Variants in F13A1 observed in about 807,000 individuals in gnomAD.
The protein encoded by F13A1 is coagulation factor XIII A chain, also known as FSF, A subunit.
Under a neutral mutation model 80.1 loss-of-function variants are expected in F13A1, and 47 were observed. The observed-to-expected ratio is 0.59, with a 90% CI of 0.46 to 0.75. F13A1 has a LOEUF of 0.75. Among genes scored for constraint, F13A1 ranks in the 30% least tolerant of loss-of-function variants. The pLI is 0.00. For missense variants in F13A1, 817 were observed against 930.4 expected (o/e 0.88, Z 1.59); for synonymous variants, 349 against 344.9 (o/e 1.01, Z -0.13).
intron 8 of F13A1, among the ~76,000 whole-genome samples, chr6:6,210,559 A>C (rs555144969): frequency 1.4e-5 from 2 of 142,666 alleles, no homozygotes; most frequent in South Asian, 4.5e-4. Context: ...TGCCTGGCTA[A>C]TTTTTCTGTA....
At chr6:6,255,598 G>C (rs1006638762) in intron 4 of F13A1, among the ~76,000 whole-genome samples, 3 of 152,210 alleles carry the variant, frequency 2.0e-5, no homozygotes. Context: ...AGAGAGTAAG[G>C]AAGAAGTCCA....
At chr6:6,285,105 T>C (rs991670236) in intron 3 of F13A1, among the ~76,000 whole-genome samples, 1 of 152,096 alleles carries the variant, frequency 6.6e-6, no homozygotes, top group African/African-American at 2.4e-5. Context: ...ATAAATTAGC[T>C]AGGCCTGGTG....
chr6:6,278,559 A>G (rs1758019502), intron 3 of F13A1, among the ~76,000 whole-genome samples: 1 of 151,996 alleles, frequency 6.6e-6, no homozygotes. Flanking sequence ...TGCCTGGGGC[A>G]GAGGGAATTG....
intron 11 of F13A1, among the ~76,000 whole-genome samples, chr6:6,177,267 T>C (rs1446931544): frequency 1.3e-5 from 2 of 152,220 alleles, no homozygotes; most frequent in Non-Finnish European, 2.9e-5. Context: ...CTCATTCTTC[T>C]GGCTTTAGCT....
At chr6:6,304,668 C>T (rs1261255767) in intron 3 of F13A1, among the ~76,000 whole-genome samples, 2 of 151,894 alleles carry the variant, frequency 1.3e-5, no homozygotes, top group African/African-American at 4.8e-5. Context: ...GCGAAACCAG[C>T]CTGGACAACA....
intron 3 of F13A1, among the ~76,000 whole-genome samples, chr6:6,273,782 A>G (rs1424058124): frequency 4.6e-5 from 7 of 152,206 alleles, no homozygotes; most frequent in Admixed American, 3.9e-4. Context: ...TGGAAAAGGA[A>G]GCAAAACTTG....
chr6:6,168,361 TG>T (rs1760713701), intron 12 of F13A1, among the ~76,000 whole-genome samples: 1 of 152,206 alleles, frequency 6.6e-6, no homozygotes, highest in South Asian at 2.1e-4. Flanking sequence ...AATTACCATC[TG>T]GGCTGAGGAT....
At chr6:6,316,347 C>T (rs571768036) in intron 2 of F13A1, among the ~76,000 whole-genome samples, 4 of 151,468 alleles carry the variant, frequency 2.6e-5, no homozygotes, top group African/African-American at 4.8e-5. Context: ...ATTGACTGTT[C>T]GTTCATTCAT....
At chr6:6,214,360 T>G (rs1333384303) in intron 8 of F13A1, among the ~76,000 whole-genome samples, 1 of 150,586 alleles carries the variant, frequency 6.6e-6, no homozygotes, top group African/African-American at 2.5e-5. Flanking sequence ...AAACTAGAAC[T>G]CAGGATTAAG....
chr6:6,195,566 A>G (rs1761275066), intron 10 of F13A1, among the ~76,000 whole-genome samples: 1 of 152,242 alleles, frequency 6.6e-6, no homozygotes, highest in Non-Finnish European at 1.5e-5. Flanking sequence ...TTAGTAAAGC[A>G]TTTACTTTTG....
chr6:6,187,792 G>A (rs1466023035), intron 10 of F13A1, among the ~76,000 whole-genome samples: 17 of 120,452 alleles, frequency 1.4e-4, no homozygotes, highest in South Asian at 3.1e-4. Context: ...AGTTTCAGAA[G>A]GAATGGTACC....
At chr6:6,302,332 T>C (rs753704302) in intron 3 of F13A1, among the ~76,000 whole-genome samples, 18 of 152,190 alleles carry the variant, frequency 1.2e-4, no homozygotes, top group Non-Finnish European at 2.4e-4. Context: ...TGTCATTGTG[T>C]GAACATCATA....
chr6:6,280,806 G>A (rs1583108565), intron 3 of F13A1, among the ~76,000 whole-genome samples: 1 of 152,172 alleles, frequency 6.6e-6, no homozygotes, highest in African/African-American at 2.4e-5. Context: ...TCACTGCTGA[G>A]TACCTCTTTA....
At chr6:6,316,947 C>T (rs1318261419) in intron 2 of F13A1, among the ~76,000 whole-genome samples, 3 of 152,206 alleles carry the variant, frequency 2.0e-5, no homozygotes, top group East Asian at 1.9e-4. Flanking sequence ...CTTCCCTGCA[C>T]TGCCTTTGTA....
chr6:6,208,003 G>T (rs555419092), intron 8 of F13A1, among the ~76,000 whole-genome samples: 8 of 152,264 alleles, frequency 5.3e-5, no homozygotes, highest in African/African-American at 1.9e-4. Context: ...AAAATTATAA[G>T]ACACAGAAAG....
intron 3 of F13A1, among the ~76,000 whole-genome samples, chr6:6,286,074 C>T (rs989171980): frequency 1.8e-4 from 28 of 152,232 alleles, no homozygotes; most frequent in African/African-American, 5.8e-4. Context: ...GGAGTAGGGA[C>T]GCAAGACCCC....
intron 6 of F13A1, among the ~76,000 whole-genome samples, chr6:6,231,066 CAA>C (rs1561662455): frequency 1.3e-5 from 2 of 151,938 alleles, no homozygotes; most frequent in African/African-American, 4.8e-5. Flanking sequence ...TGGATCCAAA[CAA>C]AGAAGAAATC....
intron 8 of F13A1, among the ~76,000 whole-genome samples, chr6:6,203,058 G>A (rs138995887): frequency 6.2e-4 from 95 of 152,320 alleles, no homozygotes; most frequent in African/African-American, 2.3e-3. Context: ...TGTAAGAAAG[G>A]GAAAGTGGAA....
intron 11 of F13A1, among the ~76,000 whole-genome samples, chr6:6,181,575 G>A (rs1159672801): frequency 6.6e-6 from 1 of 152,190 alleles, no homozygotes; most frequent in Non-Finnish European, 1.5e-5. Context: ...ATAGAACAAT[G>A]TATGTGGAAA....
Sources: gnomAD v4.1 joint callset for allele counts (sites outside exome capture counted in the v4.1 genomes callset) on GRCh38, gnomAD v4.1.1 for gene constraint, MANE v1.5 for transcripts, NCBI Gene and HGNC (gene_info 2026-07-23, HGNC 2026-07-21) for gene names.